The following CNGB1 variants were observed in gnomAD, a reference collection of about 807,000 sequenced individuals.
CNGB1 encodes the protein cyclic nucleotide gated channel subunit beta 1.
A neutral mutation model predicts 151.7 loss-of-function variants in CNGB1; 126 were observed. That is an observed-to-expected ratio of 0.83 (90% CI 0.72 to 0.96). CNGB1 has a LOEUF of 0.96. Among genes scored for constraint, CNGB1 ranks in the 40% least tolerant of loss-of-function variants. The pLI is 0.00. For synonymous variants in CNGB1, 623 were observed against 635.1 expected (o/e 0.98, Z 0.29); for missense variants, 1,698 against 1,627.0 (o/e 1.04, Z -0.75).
chr16:57,928,575 G>C (rs1325465944), intron 17 of CNGB1, among the ~76,000 whole-genome samples: 1 of 152,168 alleles, frequency 6.6e-6, no homozygotes, highest in South Asian at 2.1e-4. Context: ...ACACCATCTT[G>C]GGTGGTGGGA....
chr16:57,899,708 A>C (rs558092137), intron 29 of CNGB1, among the ~76,000 whole-genome samples: 25 of 152,324 alleles, frequency 1.6e-4, no homozygotes, highest in Non-Finnish European at 2.8e-4. Flanking sequence ...AGTAACTGTC[A>C]CACTTTTGAC....
chr16:57,922,448 G>C (rs1382967022), intron 18 of CNGB1, among the ~76,000 whole-genome samples: 2 of 100,748 alleles, frequency 2.0e-5, no homozygotes, highest in African/African-American at 1.2e-4. Context: ...TTTTTTTTGA[G>C]ATGAAGTATT....
chr16:57,904,273 G>A (rs1202030744), intron 26 of CNGB1, among the ~76,000 whole-genome samples: 1 of 152,148 alleles, frequency 6.6e-6, no homozygotes, highest in African/African-American at 2.4e-5. Flanking sequence ...GGCTGATTCT[G>A]GTACAATACA....
intron 23 of CNGB1, among the ~76,000 whole-genome samples, chr16:57,914,782 C>G (rs1208347672): frequency 6.6e-6 from 1 of 152,220 alleles, no homozygotes; most frequent in Non-Finnish European, 1.5e-5. Flanking sequence ...AAATCCATCC[C>G]TGGCACTTCC....
chr16:57,935,058 A>G (rs1179961468), intron 16 of CNGB1, among the ~76,000 whole-genome samples: 1 of 151,936 alleles, frequency 6.6e-6, no homozygotes, highest in Non-Finnish European at 1.5e-5. Context: ...AAAAAAAAAA[A>G]AAAAGTTACA....
At chr16:57,943,523 A>G (rs1279392681) in intron 14 of CNGB1, among the ~76,000 whole-genome samples, 3 of 152,182 alleles carry the variant, frequency 2.0e-5, no homozygotes, top group African/African-American at 7.2e-5. Flanking sequence ...TACAAAAATT[A>G]GGCGGGCATG....
intron 14 of CNGB1, among the ~76,000 whole-genome samples, chr16:57,945,052 C>G (rs1234416061): frequency 1.3e-5 from 2 of 151,534 alleles, no homozygotes; most frequent in African/African-American, 2.4e-5. Context: ...CCTGACAGAT[C>G]GTAACTGTTA....
At chr16:57,916,258 C>G (rs1254369072) in intron 21 of CNGB1, 79 bp from the exon 22 acceptor site, 3 of 1,370,592 alleles carry the variant, frequency 2.2e-6, no homozygotes, top group Admixed American at 1.7e-5. Context: ...TGAAACTTCC[C>G]CAAGAACCCC....
intron 17 of CNGB1, among the ~76,000 whole-genome samples, chr16:57,923,929 A>T (rs1461817295): frequency 1.3e-5 from 2 of 152,108 alleles, no homozygotes; most frequent in Non-Finnish European, 2.9e-5. Flanking sequence ...CCTGAGCCCC[A>T]GGCTCCCTAT....
At chr16:57,931,360 G>A (rs1742472024) in intron 17 of CNGB1, among the ~76,000 whole-genome samples, 1 of 151,900 alleles carries the variant, frequency 6.6e-6, no homozygotes, top group Non-Finnish European at 1.5e-5. Flanking sequence ...TCGCTATGTT[G>A]GCCAGGCTGG....
At chr16:57,922,427 C>CTTTTTTTTTTTTTT (rs202188548) in intron 18 of CNGB1, among the ~76,000 whole-genome samples, 1 of 142,052 alleles carries the variant, frequency 7.0e-6, no homozygotes, top group African/African-American at 2.9e-5. Context: ...TTCTTTCTTT[C>CTTTTTTTTTTTTTT]TTTCTTTTTT....
rs748756446 is a variant in CNGB1 at position 57,967,309 on chromosome 16, G to A, written c.-8-15C>T. The A allele has an allele frequency of 3.7e-6, 6 of 1,614,060 alleles. No homozygotes were observed. Among genetic ancestry groups the A allele is most frequent in the Non-Finnish European group, 4.2e-6 (5 of 1,179,982 alleles). On this transcript the variant is annotated splice_polypyrimidine_tract_variant and intron_variant, in intron 1 of 32. Coordinates refer to ENST00000251102, the MANE Select transcript of CNGB1 (RefSeq NM_001297.5). ...CATCCTGATGCCTGTAGGAGACAGA[G>A]TCCTTAGCCCTCCCTGGAGCACTCA...
intron 12 of CNGB1, among the ~76,000 whole-genome samples, chr16:57,952,493 C>CTTTTT (rs10598722): frequency 1.1e-4 from 7 of 62,142 alleles, no homozygotes; most frequent in Middle Eastern, 0.019. Context: ...CAAGCATTTC[C>CTTTTT]TTTTTTTTTT....
At chr16:57,908,247 C>T (rs1232954426) in intron 25 of CNGB1, among the ~76,000 whole-genome samples, 5 of 152,318 alleles carry the variant, frequency 3.3e-5, no homozygotes, top group Admixed American at 6.5e-5. Flanking sequence ...TGGCAGAAGG[C>T]GACGGCCATA....
At chr16:57,911,119 A>T (rs434962) in intron 25 of CNGB1, among the ~76,000 whole-genome samples, 14 of 151,910 alleles carry the variant, frequency 9.2e-5, no homozygotes, top group South Asian at 2.1e-4. Flanking sequence ...CCTCTTGGCC[A>T]TGCCCGGGGA....
chr16:57,956,718 A>G (rs1234970894), intron 12 of CNGB1, among the ~76,000 whole-genome samples: 1 of 152,138 alleles, frequency 6.6e-6, no homozygotes, highest in East Asian at 1.9e-4. Context: ...GTCCTTAACT[A>G]TGTATTGAAT....
chr16:57,912,794 T>C (rs1960760762), intron 24 of CNGB1, 136 bp downstream of exon 24: 1 of 854,162 alleles, frequency 1.2e-6, no homozygotes, highest in Non-Finnish European at 1.9e-6. Flanking sequence ...CATGTATGTG[T>C]GTATGTTGTG....
chr16:57,935,287 G>A (rs1318371113), intron 16 of CNGB1, among the ~76,000 whole-genome samples: 1 of 152,160 alleles, frequency 6.6e-6, no homozygotes, highest in Non-Finnish European at 1.5e-5. Flanking sequence ...GGCAAGCAAT[G>A]CTGGTTTTCC....
At chr16:57,904,412 G>T (rs550713947) in intron 26 of CNGB1, among the ~76,000 whole-genome samples, 1 of 152,104 alleles carries the variant, frequency 6.6e-6, no homozygotes, top group Admixed American at 6.5e-5. Flanking sequence ...CTCATGTCTC[G>T]ACCAGAATGT....
Sources: gnomAD v4.1 joint callset for allele counts (sites outside exome capture counted in the v4.1 genomes callset) on GRCh38, gnomAD v4.1.1 for gene constraint, MANE v1.5 for transcripts, NCBI Gene and HGNC (gene_info 2026-07-23, HGNC 2026-07-21) for gene names.